Variants in WDFY4 observed in about 807,000 individuals in gnomAD.
WDFY4 encodes WD repeat- and FYVE domain-containing protein 4.
Under a neutral mutation model 351.9 loss-of-function variants are expected in WDFY4, and 169 were observed. The observed-to-expected ratio is 0.48, with a 90% CI of 0.42 to 0.55. The LOEUF (loss-of-function observed/expected upper bound fraction) is 0.55. Ranked by LOEUF, WDFY4 falls within the 20% of genes least tolerant of loss-of-function variation. The pLI, the probability that WDFY4 is intolerant of heterozygous loss-of-function variation, is 0.00. For synonymous variants in WDFY4, 1,622 were observed against 1,574.6 expected (o/e 1.03, Z -0.71); for missense variants, 3,803 against 3,935.6 (o/e 0.97, Z 0.90).
intron 23 of WDFY4, among the ~76,000 whole-genome samples, chr10:48,794,488 G>A (rs762229934): frequency 6.6e-6 from 1 of 152,102 alleles, no homozygotes; most frequent in Admixed American, 6.5e-5. Context: ...CTGTGCTGGA[G>A]GTGTAAATAT....
intron 2 of WDFY4, among the ~76,000 whole-genome samples, chr10:48,710,323 C>T (rs2063736776): frequency 6.6e-6 from 1 of 152,170 alleles, no homozygotes; most frequent in African/African-American, 2.4e-5. Context: ...GGGCACTAAT[C>T]CCATTCATAA....
intron 51 of WDFY4, among the ~76,000 whole-genome samples, chr10:48,956,422 G>A (rs565061922): frequency 1.3e-5 from 2 of 152,204 alleles, no homozygotes; most frequent in South Asian, 4.2e-4. Context: ...TCTCCTTCCT[G>A]CCCACGTCTC....
chr10:48,903,638 T>C (rs1311110684), intron 47 of WDFY4, among the ~76,000 whole-genome samples: 1 of 152,102 alleles, frequency 6.6e-6, no homozygotes, highest in African/African-American at 2.4e-5. Flanking sequence ...AATTGGAAAA[T>C]TAAATGAGGA....
chr10:48,848,954 T>C (rs558334084), intron 39 of WDFY4, among the ~76,000 whole-genome samples: 118 of 152,266 alleles, frequency 7.7e-4, no homozygotes, highest in Admixed American at 6.3e-3. Flanking sequence ...TGGGTTACCA[T>C]TGCGTCCAGT....
intron 60 of WDFY4, among the ~76,000 whole-genome samples, chr10:48,979,427 C>T (rs566231385): frequency 9.2e-5 from 14 of 152,346 alleles, no homozygotes; most frequent in African/African-American, 3.4e-4. Flanking sequence ...AGACTGCACA[C>T]CATTTTAGTT....
chr10:48,891,659 G>A (rs557134843), intron 44 of WDFY4, among the ~76,000 whole-genome samples: 1 of 152,344 alleles, frequency 6.6e-6, no homozygotes, highest in South Asian at 2.1e-4. Flanking sequence ...ACAGATGCCT[G>A]GGTCCTGCCC....
chr10:48,743,870 C>T (rs1405675916), intron 12 of WDFY4, among the ~76,000 whole-genome samples: 1 of 152,090 alleles, frequency 6.6e-6, no homozygotes, highest in Non-Finnish European at 1.5e-5. Context: ...GGTGCCTGGG[C>T]CTGGCATCCC....
chr10:48,933,861 G>A (rs1458359966), intron 47 of WDFY4, among the ~76,000 whole-genome samples: 1 of 152,120 alleles, frequency 6.6e-6, no homozygotes, highest in African/African-American at 2.4e-5. Flanking sequence ...CCGCTGATAG[G>A]AAGGGAGAAA....
intron 1 of WDFY4, among the ~76,000 whole-genome samples, chr10:48,690,872 AC>A (rs1406543291): frequency 6.6e-6 from 1 of 152,174 alleles, no homozygotes; most frequent in African/African-American, 2.4e-5. Context: ...CCTGAAAAAG[AC>A]AACACAAGTC....
intron 47 of WDFY4, among the ~76,000 whole-genome samples, chr10:48,921,477 A>T (rs1839071699): frequency 6.6e-6 from 1 of 152,240 alleles, no homozygotes; most frequent in South Asian, 2.1e-4. Flanking sequence ...ATAGATTTGA[A>T]TGTAAAATGT....
chr10:48,941,549 G>A (rs1368249364), intron 47 of WDFY4, among the ~76,000 whole-genome samples: 1 of 152,198 alleles, frequency 6.6e-6, no homozygotes. Context: ...TGGAATTCTT[G>A]AGGCAGCAGC....
At chr10:48,952,747 A>G (rs1841388952) in intron 51 of WDFY4, among the ~76,000 whole-genome samples, 1 of 152,094 alleles carries the variant, frequency 6.6e-6, no homozygotes, top group South Asian at 2.1e-4. Context: ...CACCACCTAC[A>G]GGAAGGAAAG....
At chr10:48,959,253 C>A (rs1217595267) in intron 52 of WDFY4, among the ~76,000 whole-genome samples, 2 of 152,152 alleles carry the variant, frequency 1.3e-5, no homozygotes, top group African/African-American at 2.4e-5. Context: ...AGAGAAAATG[C>A]ATAAATTATC....
At chr10:48,687,611 CTTTTTTTTT>C (rs57413418) in intron 1 of WDFY4, among the ~76,000 whole-genome samples, 2 of 101,310 alleles carry the variant, frequency 2.0e-5, no homozygotes, top group Non-Finnish European at 1.9e-5. Flanking sequence ...ATAGGCCATT[CTTTTTTTTT>C]TTTTTTTTTT....
At position 48,973,430 on chromosome 10, in the gene WDFY4, C is replaced by T. The variant is rs569594952; in HGVS notation, c.8929-1432C>T. 4.6e-5 allele frequency among the ~76,000 whole-genome samples: 7 copies of T among 152,312 alleles called. No individual in the cohort carries two copies. The South Asian group carries it at 1.5e-3, about 32-fold the overall frequency. On this transcript the variant is annotated intron_variant, in intron 57 of 61. Coordinates refer to ENST00000325239, the MANE Select transcript of WDFY4 (RefSeq NM_001394531.1). The stretch of plus-strand genomic sequence containing the variant: ...AGGATCCATTAAGGACAAACAGGAG[C>T]TTGTGGCAGAACCTTTCATTGCTAT...
intron 25 of WDFY4, among the ~76,000 whole-genome samples, chr10:48,803,998 C>G (rs563665894): frequency 2.6e-5 from 4 of 152,344 alleles, no homozygotes; most frequent in African/African-American, 9.6e-5. Flanking sequence ...GCACCATAGG[C>G]AGAGAGACAG....
chr10:48,772,658 C>A (rs2065905824), intron 13 of WDFY4, among the ~76,000 whole-genome samples: 1 of 146,646 alleles, frequency 6.8e-6, no homozygotes, highest in African/African-American at 2.6e-5. Context: ...AACTCGTCAT[C>A]TAGCATTAGG....
At chr10:48,844,250 G>A (rs1365952205) in intron 39 of WDFY4, among the ~76,000 whole-genome samples, 1 of 152,186 alleles carries the variant, frequency 6.6e-6, no homozygotes, top group African/African-American at 2.4e-5. Context: ...TGGCAAAGAA[G>A]GAAGGAGAGA....
intron 1 of WDFY4, among the ~76,000 whole-genome samples, chr10:48,695,366 G>T (rs2063304633): frequency 6.6e-6 from 1 of 152,230 alleles, no homozygotes; most frequent in South Asian, 2.1e-4. Context: ...CTGCAACACT[G>T]CAGGCTTCAG....
Sources: gnomAD v4.1 joint callset for allele counts (sites outside exome capture counted in the v4.1 genomes callset) on GRCh38, gnomAD v4.1.1 for gene constraint, MANE v1.5 for transcripts, NCBI Gene and HGNC (gene_info 2026-07-23, HGNC 2026-07-21) for gene names.